EPB41L4A: variants seen among roughly 807,000 people sequenced by gnomAD.
EPB41L4A encodes band 4.1-like protein 4A.
Under a neutral mutation model 108.6 loss-of-function variants are expected in EPB41L4A, and 100 were observed. The ratio of observed to expected loss-of-function variants is 0.92; its 90% CI spans 0.78 to 1.09. The LOEUF is 1.09. EPB41L4A is among the 50% of genes least tolerant of loss of function. The probability of loss-of-function intolerance (pLI) is 0.00; values close to 1 mark genes in which losing one functional copy is unlikely to be tolerated. For missense variants in EPB41L4A, 1,030 were observed against 842.7 expected, an observed-to-expected ratio of 1.22 and a Z score of -2.75; for synonymous variants, 319 against 289.0, an observed-to-expected ratio of 1.10 and a Z score of -1.05.
At chr5:112,221,479 G>A (rs1748043795) in intron 12 of EPB41L4A, among the ~76,000 whole-genome samples, 1 of 152,226 alleles carries the variant, frequency 6.6e-6, no homozygotes, top group Non-Finnish European at 1.5e-5. Flanking sequence ...TTGGGCCACA[G>A]TTTTCTCCTG....
At chr5:112,206,685 G>A (rs1185505408) in intron 13 of EPB41L4A, among the ~76,000 whole-genome samples, 2 of 152,210 alleles carry the variant, frequency 1.3e-5, no homozygotes, top group African/African-American at 2.4e-5. Context: ...GAGGAACTGA[G>A]AGAGTATACA....
intron 20 of EPB41L4A, 61 bp downstream of exon 20, chr5:112,170,240 A>C: frequency 6.7e-7 from 1 of 1,491,102 alleles, no homozygotes; most frequent in South Asian, 1.2e-5. Flanking sequence ...TTGAAGAATT[A>C]GAATGGATTA....
intron 5 of EPB41L4A, 141 bp from the exon 6 acceptor site, chr5:112,265,157 C>T: frequency 1.3e-6 from 1 of 742,790 alleles, no homozygotes; most frequent in East Asian, 3.0e-5. Flanking sequence ...AATAATTTTA[C>T]TAAAACAAAT....
intron 1 of EPB41L4A, among the ~76,000 whole-genome samples, chr5:112,370,524 A>G (rs1759425575): frequency 6.6e-6 from 1 of 152,206 alleles, no homozygotes. Flanking sequence ...TTGATTGATG[A>G]TAACCAATCC....
At chr5:112,341,034 T>C (rs998373941) in intron 1 of EPB41L4A, among the ~76,000 whole-genome samples, 1 of 152,098 alleles carries the variant, frequency 6.6e-6, no homozygotes, top group Non-Finnish European at 1.5e-5. Context: ...CAAGCACCAC[T>C]CCATAATAGC....
chr5:112,199,547 G>C (rs1009158107), intron 15 of EPB41L4A, among the ~76,000 whole-genome samples: 1 of 152,098 alleles, frequency 6.6e-6, no homozygotes, highest in African/African-American at 2.4e-5. Context: ...ACATACTTAA[G>C]ATTATATTTC....
chr5:112,328,035 C>G (rs985800264), intron 1 of EPB41L4A, among the ~76,000 whole-genome samples: 10 of 152,036 alleles, frequency 6.6e-5, no homozygotes, highest in Admixed American at 2.0e-4. Context: ...GAAGGCCGGA[C>G]ACGGTGGCTC....
At chr5:112,216,572 T>G (rs1292613698) in intron 12 of EPB41L4A, among the ~76,000 whole-genome samples, 1 of 152,206 alleles carries the variant, frequency 6.6e-6, no homozygotes, top group Non-Finnish European at 1.5e-5. Flanking sequence ...AGGTTAAATC[T>G]TGTCCTACTT....
chr5:112,391,457 G>C (rs1168367130), intron 1 of EPB41L4A, among the ~76,000 whole-genome samples: 2 of 152,126 alleles, frequency 1.3e-5, no homozygotes, highest in African/African-American at 4.8e-5. Context: ...TAGCCAATTC[G>C]ATCAAGTGGA....
At chr5:112,326,126 G>A (rs916712879) in intron 1 of EPB41L4A, among the ~76,000 whole-genome samples, 1 of 152,140 alleles carries the variant, frequency 6.6e-6, no homozygotes, top group East Asian at 1.9e-4. Flanking sequence ...CTCCAGCCTG[G>A]GAGACACAGT....
intron 3 of EPB41L4A, among the ~76,000 whole-genome samples, chr5:112,276,773 CTATT>C (rs1418046335): frequency 6.6e-6 from 1 of 152,134 alleles, no homozygotes; most frequent in African/African-American, 2.4e-5. Flanking sequence ...AACTATGTTA[CTATT>C]TATTAATATT....
chr5:112,300,498 G>A (rs1754280899), intron 2 of EPB41L4A, among the ~76,000 whole-genome samples: 1 of 152,146 alleles, frequency 6.6e-6, no homozygotes, highest in African/African-American at 2.4e-5. Context: ...ACCTTGTAGG[G>A]TTTCTGCTGA....
chr5:112,221,637 C>T (rs911479122), intron 12 of EPB41L4A, among the ~76,000 whole-genome samples: 1 of 152,146 alleles, frequency 6.6e-6, no homozygotes, highest in Non-Finnish European at 1.5e-5. Context: ...TTAGTTCCTA[C>T]AGATTAGGGG....
Position 112,240,729 on chromosome 5 carries a change from T to A in EPB41L4A, c.877A>T (p.Thr293Ser). The stretch of plus-strand genomic sequence containing the variant: ...TTTACATCAATTTACCTAAAAAATG[T>A]ATGATGTTCCACACTGCACTTCCAG... ...HLWKCSVEHH[T>S]FFRMPENESN... The change falls in exon 10 of 23, where the codon ACA becomes TCA. Residue 293 changes from threonine to serine, a missense_variant. Physicochemically the swap from Thr to Ser is moderately conservative, Grantham distance 58. Transcript: ENST00000261486. The A allele has an allele frequency of 6.5e-7, 1 of 1,540,776 alleles. No homozygotes were observed. Among genetic ancestry groups the A allele is most frequent in the Non-Finnish European group, 8.7e-7 (1 of 1,152,926 alleles).
At chr5:112,359,189 A>C (rs989244590) in intron 1 of EPB41L4A, among the ~76,000 whole-genome samples, 1 of 152,176 alleles carries the variant, frequency 6.6e-6, no homozygotes, top group Admixed American at 6.5e-5. Context: ...TACTTCAATA[A>C]AACTGTTCCT....
chr5:112,198,967 G>A (rs542567022), intron 15 of EPB41L4A, among the ~76,000 whole-genome samples: 2 of 152,206 alleles, frequency 1.3e-5, no homozygotes, highest in East Asian at 3.9e-4. Context: ...CTAGACAGAA[G>A]CAATGCTCAA....
chr5:112,191,034 C>T (rs1761670954), intron 17 of EPB41L4A, among the ~76,000 whole-genome samples: 1 of 152,002 alleles, frequency 6.6e-6, no homozygotes, highest in Non-Finnish European at 1.5e-5. Flanking sequence ...AACTTTCTGT[C>T]ATCTTAAATA....
chr5:112,181,207 T>C (rs926894319), intron 18 of EPB41L4A, among the ~76,000 whole-genome samples: 11 of 151,068 alleles, frequency 7.3e-5, no homozygotes, highest in African/African-American at 2.4e-4. Flanking sequence ...ACCCCAGCAC[T>C]TTGGGAGGCC....
At chr5:112,279,681 T>C (rs540073679) in intron 3 of EPB41L4A, among the ~76,000 whole-genome samples, 1 of 152,264 alleles carries the variant, frequency 6.6e-6, no homozygotes, top group African/African-American at 2.4e-5. Context: ...TGCTTATAAA[T>C]AAAAACTTGG....
Sources: gnomAD v4.1 joint callset for allele counts (sites outside exome capture counted in the v4.1 genomes callset) on GRCh38, gnomAD v4.1.1 for gene constraint, MANE v1.5 for transcripts, NCBI Gene and HGNC (gene_info 2026-07-23, HGNC 2026-07-21) for gene names.